Variants in SELENOK observed in about 807,000 individuals in gnomAD.
The protein encoded by SELENOK is selenoprotein K.
Under a neutral mutation model 17.3 loss-of-function variants are expected in SELENOK, and 11 were observed. The observed-to-expected ratio is 0.63, with a 90% confidence interval of 0.40 to 1.05. The LOEUF (loss-of-function observed/expected upper bound fraction) is 1.05, where lower values mean the gene tolerates loss of function less well. Among genes scored for constraint, SELENOK ranks in the 50% least tolerant of loss-of-function variants. The pLI is 0.00. For synonymous variants in SELENOK, 45 were observed against 35.4 expected (o/e 1.27, Z -0.97); for missense variants, 125 against 113.9 (o/e 1.10, Z -0.44).
At chr3:53,885,602 T>C (rs1700119373) in intron 4 of SELENOK, 41 bp from the exon 5 acceptor site, 2 of 1,590,434 alleles carry the variant, frequency 1.3e-6, no homozygotes, top group Non-Finnish European at 1.7e-6. Context: ...TGGTTATTAA[T>C]TTGGATCTGT....
At chr3:53,891,216 A>G (rs1025649097) in intron 1 of SELENOK, among the ~76,000 whole-genome samples, 1 of 152,214 alleles carries the variant, frequency 6.6e-6, no homozygotes, top group Non-Finnish European at 1.5e-5. Context: ...TTGTAGACAG[A>G]GGCAGCATAA....
chr3:53,888,710 ATAAACT>A (rs1700144320), intron 1 of SELENOK, among the ~76,000 whole-genome samples: 1 of 152,212 alleles, frequency 6.6e-6, no homozygotes, highest in Non-Finnish European at 1.5e-5. Context: ...CTACTGGTTT[ATAAACT>A]TGGTGGGTGA....
Position 53,885,212 on chromosome 3 carries a change from G to A in SELENOK, c.*346C>T. 1 of 191,950 alleles carries A rather than the reference G, an allele frequency of 5.2e-6. No individual in the cohort carries two copies. The highest frequency in any genetic ancestry group is 1.1e-5 in the Non-Finnish European group (1 of 94,628). 11.9% of individuals were successfully genotyped at this position (191,950 alleles called of 1,614,324 possible). A position where few individuals can be genotyped will look rare whatever the true frequency, so the allele number is the denominator to read the frequency against. On this transcript the variant is annotated 3_prime_UTR_variant, in exon 5 of 5. Transcript: ENST00000495461. ...TGACACTAACAGTGCTAAATACACA[G>A]GCTTTTATTTGTTTTCTTCAGATTG...
chr3:53,890,705 T>G (rs779095518), intron 1 of SELENOK, among the ~76,000 whole-genome samples: 15 of 152,246 alleles, frequency 9.9e-5, no homozygotes, highest in Non-Finnish European at 1.8e-4. Context: ...TTTTGATGCT[T>G]TTCTGTAGTG....
intron 4 of SELENOK, 29 bp downstream of exon 4, chr3:53,885,797 C>T: frequency 6.5e-7 from 1 of 1,539,982 alleles, no homozygotes; most frequent in Non-Finnish European, 8.8e-7. Flanking sequence ...AAACAAAATC[C>T]TACAAAAGAA....
intron 2 of SELENOK, among the ~76,000 whole-genome samples, chr3:53,887,675 C>T (rs930295214): frequency 3.9e-5 from 6 of 152,154 alleles, no homozygotes; most frequent in African/African-American, 1.4e-4. Flanking sequence ...GGATAACTTC[C>T]TCTGATGTTC....
In SELENOK at chr3:53,885,561, C is replaced by T; in HGVS notation, c.282G>A (p.Arg94=). The T allele has an allele frequency of 6.2e-7, 1 of 1,611,022 alleles. No homozygotes were observed. Among genetic ancestry groups the T allele is most frequent in the Non-Finnish European group, 8.5e-7 (1 of 1,178,428 alleles). Residue 94 remains arginine (R), a splice_region_variant and synonymous_variant, in exon 5 of 5, where the codon AGG becomes AGA. Transcript: ENST00000495461. ...SPPPMAGGUG[R] ...GTCTGCTTCTTAGAGCAGACATTTA[C>T]CTGAAAGAAAATGTTACAATAATTA...
chr3:53,891,648 C>A, intron 1 of SELENOK, 122 bp downstream of exon 1: 1 of 1,336,576 alleles, frequency 7.5e-7, no homozygotes, highest in South Asian at 1.2e-5. Context: ...CTCCGCCCGG[C>A]CGCGGGGCGC....
chr3:53,887,766 T>G (rs1700137227), intron 2 of SELENOK, among the ~76,000 whole-genome samples: 1 of 152,202 alleles, frequency 6.6e-6, no homozygotes, highest in Non-Finnish European at 1.5e-5. Flanking sequence ...TCCCACATCT[T>G]TGCATCCCTA....
chr3:53,888,105 C>A, intron 2 of SELENOK: 1 of 231,646 alleles, frequency 4.3e-6, no homozygotes, highest in African/African-American at 2.3e-5. Flanking sequence ...GAGGTCCAGT[C>A]ATTTAGCATC....
Position 53,885,527 on chromosome 3 carries a change from T to C in SELENOK, c.*31A>G. The C allele has an allele frequency of 1.2e-6, 2 of 1,604,284 alleles. No homozygotes were observed. The highest frequency in any genetic ancestry group is 1.7e-6 in the Non-Finnish European group (2 of 1,174,986). ...GGTTTCCTTCTGCTATGAATGCGCA[T>C]GTCCGGTTGTCTGCTTCTTAGAGCA... On this transcript the variant is annotated 3_prime_UTR_variant, in exon 5 of 5. Transcript: ENST00000495461.
intron 2 of SELENOK, among the ~76,000 whole-genome samples, chr3:53,887,145 C>CT (rs1354684473): frequency 1.3e-5 from 2 of 152,196 alleles, no homozygotes; most frequent in Admixed American, 6.5e-5. Context: ...TCTACCCTTC[C>CT]TTGTATTTCT....
At chr3:53,886,666 T>G (rs1700129027) in intron 3 of SELENOK, among the ~76,000 whole-genome samples, 185 bp downstream of exon 3, 1 of 152,246 alleles carries the variant, frequency 6.6e-6, no homozygotes, top group Non-Finnish European at 1.5e-5. Flanking sequence ...TATTTTAGCT[T>G]TGTCAGATTA....
chr3:53,889,010 T>C (rs1700146027), intron 1 of SELENOK, among the ~76,000 whole-genome samples: 1 of 150,958 alleles, frequency 6.6e-6, no homozygotes, highest in Non-Finnish European at 1.5e-5. Flanking sequence ...TGAGCCCAGA[T>C]GGCGCCACTG....
chr3:53,885,869 G>C lies in SELENOK; in HGVS notation c.238C>G (p.Leu80Val). Residue 80 changes from leucine to valine, a missense_variant, in exon 4 of 5, where the codon CTG (leucine) becomes GTG (valine). Leu to Val is a conservative substitution (Grantham distance 32, BLOSUM62 1). Coordinates refer to ENST00000495461, the MANE Select transcript of SELENOK (RefSeq NM_021237.5). ...PPRRMGRINH[L>V]RGPSPPPMAG... ...ATTGGAGGGGGACTAGGGCCACGCAGATGATTGATTCTACCCATTCTTCGG... is the reference window on the plus strand; with the variant it reads ...ATTGGAGGGGGACTAGGGCCACGCACATGATTGATTCTACCCATTCTTCGG... 13 of 1,577,426 alleles carry C rather than the reference G, an allele frequency of 8.2e-6. No individual in the cohort carries two copies. The highest frequency in any genetic ancestry group is 1.1e-5 in the Non-Finnish European group (13 of 1,164,624).
chr3:53,890,273 C>T (rs1700158014), intron 1 of SELENOK, among the ~76,000 whole-genome samples: 2 of 151,978 alleles, frequency 1.3e-5, no homozygotes, highest in African/African-American at 4.8e-5. Flanking sequence ...CTAGCCATCA[C>T]ATAAGATTTT....
At chr3:53,888,593 A>G (rs3816144) in intron 1 of SELENOK, 110 bp from the exon 2 acceptor site, 400,982 of 766,006 alleles carry the variant, frequency 0.52, 112,576 homozygotes, top group East Asian at 0.95. Flanking sequence ...CTTGCCCATT[A>G]TTCCAAATGG....
At chr3:53,886,209 A>G (rs1700124638) in intron 3 of SELENOK, among the ~76,000 whole-genome samples, 1 of 152,166 alleles carries the variant, frequency 6.6e-6, no homozygotes, top group South Asian at 2.1e-4. Flanking sequence ...TAGAAACATA[A>G]GCCTAGCCCA....
intron 2 of SELENOK, chr3:53,888,191 T>C (rs1700140358): frequency 6.6e-6 from 3 of 455,214 alleles, no homozygotes; most frequent in Admixed American, 4.1e-5. Context: ...CCAATCCAAC[T>C]AACATATACT....
Sources: gnomAD v4.1 joint callset for allele counts (sites outside exome capture counted in the v4.1 genomes callset) on GRCh38, gnomAD v4.1.1 for gene constraint, MANE v1.5 for transcripts, NCBI Gene and HGNC (gene_info 2026-07-23, HGNC 2026-07-21) for gene names.